The following TTLL8 variants were observed in gnomAD, a reference collection of about 807,000 sequenced individuals.
The protein encoded by TTLL8 is tubulin tyrosine ligase like 8, also known as protein monoglycylase TTLL8.
Under a neutral mutation model 77.8 loss-of-function variants are expected in TTLL8, and 65 were observed. The observed-to-expected ratio is 0.84, with a 90% confidence interval of 0.68 to 1.03. The LOEUF (loss-of-function observed/expected upper bound fraction) is 1.03, where lower values mean the gene tolerates loss of function less well. TTLL8 is among the 50% of genes least tolerant of loss of function. The pLI, the probability that TTLL8 is intolerant of heterozygous loss-of-function variation, is 0.00. For missense variants in TTLL8, 910 were observed against 1,004.5 expected, an observed-to-expected ratio of 0.91 and a Z score of 1.27; for synonymous variants, 402 against 422.8, an observed-to-expected ratio of 0.95 and a Z score of 0.60.
Position 50,054,605 on chromosome 22 carries a change from GT to G in TTLL8, c.21del (p.Lys7AsnfsTer35). ...GCATTCTCTGAGTACCTGGAAGTCT[GT>G]TTCCCATCCAGGAGCCTCATGCTTC... On this transcript the variant is annotated frameshift_variant, in exon 1 of 14. Transcript: ENST00000266182. LOFTEE classifies it high-confidence loss of function. 4.1e-6 allele frequency: 1 copy of G among 244,574 alleles called. No individual in the cohort carries two copies. Among genetic ancestry groups the G allele is most frequent in the Non-Finnish European group, 9.3e-6 (1 of 106,978 alleles). The allele number at this position is 244,574 out of a possible 1,614,324, so 15.2% of individuals were successfully genotyped here. A position where few individuals can be genotyped will look rare whatever the true frequency, so the allele number is the denominator to read the frequency against.
chr22:50,052,462 G>A (rs182743696), intron 1 of TTLL8, among the ~76,000 whole-genome samples: 2 of 152,276 alleles, frequency 1.3e-5, no homozygotes, highest in East Asian at 1.9e-4. Flanking sequence ...TGAAAGGAGA[G>A]GAAAGGAAAA....
chr22:50,018,829 C>T (rs191610727), intron 12 of TTLL8, among the ~76,000 whole-genome samples, 38 bp from the exon 14 acceptor site: 14 of 152,314 alleles, frequency 9.2e-5, no homozygotes, highest in East Asian at 1.9e-4. Flanking sequence ...AAAGCTCATC[C>T]GAACGTCCCA....
intron 1 of TTLL8, among the ~76,000 whole-genome samples, chr22:50,052,538 A>G (rs945193720): frequency 6.6e-6 from 1 of 152,228 alleles, no homozygotes; most frequent in Non-Finnish European, 1.5e-5. Flanking sequence ...CAACGGTTTA[A>G]TTATAGATAA....
At chr22:50,021,523 T>TGAC (rs2061200022) in intron 12 of TTLL8, among the ~76,000 whole-genome samples, 1 of 146,358 alleles carries the variant, frequency 6.8e-6, no homozygotes, top group Non-Finnish European at 1.5e-5. Context: ...CTCCTCCATC[T>TGAC]GACGTGCACT....
At chr22:50,050,421 G>T (rs961126805) in intron 1 of TTLL8, among the ~76,000 whole-genome samples, 174 bp from the exon 4 acceptor site, 4 of 150,748 alleles carry the variant, frequency 2.7e-5, no homozygotes, top group Admixed American at 6.6e-5. Context: ...CATCCAGGCC[G>T]GAGTGCAGTG....
chr22:50,049,023 C>T (rs1351683582), intron 3 of TTLL8, among the ~76,000 whole-genome samples: 4 of 152,226 alleles, frequency 2.6e-5, no homozygotes, highest in Non-Finnish European at 5.9e-5. Flanking sequence ...CTGGGAGCAC[C>T]GGGTCCACCC....
rs781460944 is a variant in TTLL8, at chr22:50,044,895, G to C, written c.643+360C>G. 5.3e-5 allele frequency among the ~76,000 whole-genome samples: 8 copies of C among 152,128 alleles called. No individual in the cohort carries two copies. Among genetic ancestry groups the C allele is most frequent in the Admixed American group, 2.0e-4 (3 of 15,274 alleles). ...CTGGGCTTCCTGTGTCCTCTCCCAC[G>C]GGGCCCCTTTGGGGAGACTCAGGCT... is the stretch of plus-strand genomic sequence containing the variant. On this transcript the variant is annotated intron_variant, in intron 6 of 13. Coordinates refer to ENST00000266182, the Ensembl canonical transcript of TTLL8. The surrounding 1 kb of genome is among the most constrained non-coding windows in gnomAD (Gnocchi z 4.2).
chr22:50,055,573 T>G (rs1191159715), upstream of TTLL8, among the ~76,000 whole-genome samples: 5 of 150,938 alleles, frequency 3.3e-5, no homozygotes, highest in African/African-American at 1.2e-4. Flanking sequence ...GCGAATCGCT[T>G]GAATCCAGGA....
intron 12 of TTLL8, among the ~76,000 whole-genome samples, chr22:50,019,314 CA>C: frequency 6.6e-6 from 1 of 152,272 alleles, no homozygotes; most frequent in South Asian, 2.1e-4. Context: ...ATGAGATCAA[CA>C]AAAGTTAAAT....
upstream of TTLL8, chr22:50,054,751 A>G (rs544556743): frequency 1.7e-5 from 3 of 175,444 alleles, no homozygotes; most frequent in Admixed American, 1.2e-4. Context: ...TTTCTAAAGT[A>G]CGGCTAAAAT....
chr22:50,031,699 A>T (rs375312672), exon 11 of TTLL8: 22 of 1,305,760 alleles, frequency 1.7e-5, no homozygotes, highest in Non-Finnish European at 2.2e-5. Flanking sequence ...CCTCCACAGG[A>T]GCTCGAAGTT....
At chr22:50,048,470 G>A (rs2061425965) in intron 3 of TTLL8, among the ~76,000 whole-genome samples, 1 of 152,056 alleles carries the variant, frequency 6.6e-6, no homozygotes, top group Non-Finnish European at 1.5e-5. Context: ...CATGAAGCAG[G>A]ACACTCTCAC....
upstream of TTLL8, chr22:50,057,009 G>A (rs2061474214): frequency 5.5e-6 from 7 of 1,277,176 alleles, no homozygotes; most frequent in Non-Finnish European, 7.2e-6. Flanking sequence ...AGGAAACTGG[G>A]AGGGTGTGGG....
chr22:50,042,606 T>G (rs2061378893), intron 6 of TTLL8, among the ~76,000 whole-genome samples: 1 of 152,126 alleles, frequency 6.6e-6, no homozygotes, highest in Non-Finnish European at 1.5e-5. Flanking sequence ...TATCTACAAG[T>G]TTTTTCTATA....
At chr22:50,023,984 C>T (rs927019400) in intron 12 of TTLL8, among the ~76,000 whole-genome samples, 3 of 152,246 alleles carry the variant, frequency 2.0e-5, no homozygotes, top group African/African-American at 7.2e-5. Context: ...CATGTCACTG[C>T]ACTCCAGCCC....
Position 50,034,571 on chromosome 22 carries a change from A to G in TTLL8, c.922-109T>C. ...CTGGGCCCCGCCTCACCCACCAAGC[A>G]GGCGCTCGGCTCTAGGATGGTCTGG... On this transcript the variant is annotated intron_variant, in intron 8 of 13. Coordinates refer to ENST00000266182, the Ensembl canonical transcript of TTLL8. The surrounding 1 kb of genome is among the most constrained non-coding windows in gnomAD (Gnocchi z 4.1). 1 of 1,176,588 alleles carries G rather than the reference A, an allele frequency of 8.5e-7. No homozygotes were observed. The highest frequency in any genetic ancestry group is 1.1e-6 in the Non-Finnish European group (1 of 894,862). The allele number at this position is 1,176,588 out of a possible 1,614,324, so 72.9% of individuals were successfully genotyped here.
chr22:50,057,649 G>GTCTGGGTTGGGGGTCAGT, upstream of TTLL8, among the ~76,000 whole-genome samples: 2 of 119,756 alleles, frequency 1.7e-5, no homozygotes, highest in Non-Finnish European at 3.4e-5. Context: ...TTGGGGTCAG[G>GTCTGGGTTGGGGGTCAGT]TCTGGGTTGG....
At chr22:50,054,916 T>G (rs1439309917), upstream of TTLL8, among the ~76,000 whole-genome samples, 1 of 151,900 alleles carries the variant, frequency 6.6e-6, no homozygotes, top group African/African-American at 2.4e-5. Context: ...AAAAATTAGC[T>G]GGGCATGGTG....
rs1443688664 is a variant in TTLL8, at chr22:50,044,994, G to C, written c.643+261C>G. Among the ~76,000 whole-genome samples, 1 of 152,190 alleles carries C rather than the reference G, an allele frequency of 6.6e-6. No individual in the cohort carries two copies. The highest frequency in any genetic ancestry group is 1.9e-4 in the East Asian group (1 of 5,194). On this transcript the variant is annotated intron_variant, in intron 6 of 13. Transcript: ENST00000266182. The surrounding 1 kb of genome is among the most constrained non-coding windows in gnomAD (Gnocchi z 4.2). Reference sequence around the variant, plus strand: ...GGAACCACGTCCGCGGCACAGGACTGTGGCAGTGAGTGTGGGACTCGGACG... The same window carrying C: ...GGAACCACGTCCGCGGCACAGGACTCTGGCAGTGAGTGTGGGACTCGGACG...
Sources: gnomAD v4.1 joint callset for allele counts (sites outside exome capture counted in the v4.1 genomes callset) on GRCh38, gnomAD v4.1.1 for gene constraint, Gnocchi (gnomAD v3.1) non-coding constraint, MANE v1.5 for transcripts, NCBI Gene and HGNC (gene_info 2026-07-23, HGNC 2026-07-21) for gene names.